Variants in ENOX1 observed in about 807,000 individuals in gnomAD.
The protein encoded by ENOX1 is ecto-NOX disulfide-thiol exchanger 1.
Under a neutral mutation model 82.5 loss-of-function variants are expected in ENOX1, and 42 were observed. The ratio of observed to expected loss-of-function variants is 0.51; its 90% CI spans 0.40 to 0.66. ENOX1 has a LOEUF of 0.66. Among genes scored for constraint, ENOX1 ranks in the 30% least tolerant of loss-of-function variants. The pLI, the probability that ENOX1 is intolerant of heterozygous loss-of-function variation, is 0.00. For missense variants in ENOX1, 608 were observed against 811.6 expected (o/e 0.75, Z 3.05); for synonymous variants, 271 against 282.2 (o/e 0.96, Z 0.40).
intron 5 of ENOX1, among the ~76,000 whole-genome samples, chr13:43,375,624 G>GA (rs376829713): frequency 6.6e-6 from 1 of 152,240 alleles, no homozygotes; most frequent in Non-Finnish European, 1.5e-5. Context: ...TCATCATCCT[G>GA]AAAAAAGCCT....
At chr13:43,708,261 G>T (rs440119) in intron 1 of ENOX1, among the ~76,000 whole-genome samples, 117,259 of 152,072 alleles carry the variant, frequency 0.77, 48,192 homozygotes, top group South Asian at 0.92. Context: ...TGGGCATGCA[G>T]CCCCTCCCAA....
At chr13:43,377,504 T>C (rs1182318775) in intron 5 of ENOX1, among the ~76,000 whole-genome samples, 1 of 152,220 alleles carries the variant, frequency 6.6e-6, no homozygotes, top group Non-Finnish European at 1.5e-5. Context: ...TGGATCGTTT[T>C]CCCACGAACA....
chr13:43,480,103 A>AT (rs968759711), intron 3 of ENOX1, among the ~76,000 whole-genome samples: 4 of 151,556 alleles, frequency 2.6e-5, no homozygotes, highest in Non-Finnish European at 4.4e-5. Flanking sequence ...TGCCCAGCTA[A>AT]TTTTTTTGTA....
chr13:43,267,853 C>T (rs1297149603), intron 13 of ENOX1, among the ~76,000 whole-genome samples: 1 of 152,184 alleles, frequency 6.6e-6, no homozygotes, highest in African/African-American at 2.4e-5. Flanking sequence ...AGAGCTATCC[C>T]ATTGAAATTA....
intron 2 of ENOX1, among the ~76,000 whole-genome samples, chr13:43,592,195 G>A (rs1203167677): frequency 6.6e-6 from 1 of 152,186 alleles, no homozygotes; most frequent in South Asian, 2.1e-4. Flanking sequence ...GTCCAACAAT[G>A]CATACAAGTC....
chr13:43,259,827 A>G (rs1039340519), intron 14 of ENOX1, among the ~76,000 whole-genome samples: 4 of 152,080 alleles, frequency 2.6e-5, no homozygotes, highest in Non-Finnish European at 5.9e-5. Context: ...GTGAAACCTT[A>G]TATTTGTCCC....
At chr13:43,661,065 G>C (rs1228246676) in intron 2 of ENOX1, among the ~76,000 whole-genome samples, 1 of 152,024 alleles carries the variant, frequency 6.6e-6, no homozygotes, top group Non-Finnish European at 1.5e-5. Context: ...GTGATGTTCA[G>C]GTTTTAAAGT....
intron 2 of ENOX1, among the ~76,000 whole-genome samples, chr13:43,661,437 A>G (rs1362594924): frequency 6.6e-6 from 1 of 152,190 alleles, no homozygotes; most frequent in Non-Finnish European, 1.5e-5. Context: ...GATGCTTTCA[A>G]ACCCAAGTAG....
At chr13:43,318,831 C>T (rs1200260224) in intron 11 of ENOX1, among the ~76,000 whole-genome samples, 1 of 152,214 alleles carries the variant, frequency 6.6e-6, no homozygotes, top group East Asian at 1.9e-4. Flanking sequence ...GCCTTGCATG[C>T]ATTGACTTAT....
At chr13:43,346,809 AT>A (rs2049410835) in intron 8 of ENOX1, among the ~76,000 whole-genome samples, 2 of 152,146 alleles carry the variant, frequency 1.3e-5, no homozygotes, top group Non-Finnish European at 2.9e-5. Flanking sequence ...TCCCACCAAT[AT>A]ATGTTAGGAG....
chr13:43,314,882 C>A (rs180911294), intron 11 of ENOX1, among the ~76,000 whole-genome samples: 1 of 152,212 alleles, frequency 6.6e-6, no homozygotes, highest in African/African-American at 2.4e-5. Context: ...CTCTGACCAC[C>A]TCAAAGATTT....
At chr13:43,290,899 C>T (rs2045963348) in intron 12 of ENOX1, among the ~76,000 whole-genome samples, 1 of 152,072 alleles carries the variant, frequency 6.6e-6, no homozygotes, top group Admixed American at 6.5e-5. Context: ...CAGTGACACA[C>T]GCCTGTAGTC....
At position 43,696,795 on chromosome 13, in the gene ENOX1, CT is replaced by C. The variant is rs5803203; in HGVS notation, c.-284-29252del. ...AGGACACATTTTTGAGATTCCTTTG[CT>C]TTTTTTTTTTTTTTAAGAATATATA... On this transcript the variant is annotated intron_variant, in intron 1 of 16. Coordinates refer to ENST00000690772, the MANE Select transcript of ENOX1 (RefSeq NM_001347969.2). Among the ~76,000 whole-genome samples the C allele has an allele frequency of 4.6e-3, 641 of 140,722 alleles. 7 individuals carry two copies. The highest frequency in any genetic ancestry group is 0.015 in the African/African-American group (556 of 37,944). 92.3% of individuals were successfully genotyped at this position (140,722 alleles called of 152,430 possible).
chr13:43,411,769 G>T, intron 5 of ENOX1, 147 bp downstream of exon 5: 1 of 981,304 alleles, frequency 1.0e-6, no homozygotes, highest in Non-Finnish European at 1.5e-6. Context: ...ATGAGGAAAA[G>T]AATCTCAAGT....
intron 15 of ENOX1, among the ~76,000 whole-genome samples, chr13:43,236,323 T>C (rs2153458991): frequency 6.6e-6 from 1 of 152,320 alleles, no homozygotes; most frequent in East Asian, 1.9e-4. Context: ...AGATGCAACC[T>C]GGCCTCCAGT....
chr13:43,584,049 C>T (rs1233289149), intron 2 of ENOX1, among the ~76,000 whole-genome samples: 1 of 152,200 alleles, frequency 6.6e-6, no homozygotes, highest in Non-Finnish European at 1.5e-5. Context: ...ACTAGCCATG[C>T]CTGCCCTGCT....
intron 2 of ENOX1, among the ~76,000 whole-genome samples, chr13:43,588,854 C>A (rs1329299): frequency 0.94 from 142,901 of 152,250 alleles, 67,655 homozygotes; most frequent in South Asian, 1. Context: ...CCAATGGAAG[C>A]GATTTAGATA....
At chr13:43,253,306 C>T (rs1449879709) in intron 14 of ENOX1, among the ~76,000 whole-genome samples, 1 of 152,198 alleles carries the variant, frequency 6.6e-6, no homozygotes, top group Non-Finnish European at 1.5e-5. Context: ...TTCATTCTAT[C>T]TTTGTACCTA....
chr13:43,280,268 A>T (rs952664764), intron 12 of ENOX1, among the ~76,000 whole-genome samples: 1 of 152,214 alleles, frequency 6.6e-6, no homozygotes, highest in African/African-American at 2.4e-5. Context: ...CCTAGTCATG[A>T]TCAGAGATTA....
Sources: allele counts gnomAD v4.1 joint callset (sites outside exome capture counted in the v4.1 genomes callset), GRCh38; gene constraint gnomAD v4.1.1; transcripts MANE v1.5; gene names NCBI Gene and HGNC (gene_info 2026-07-23, HGNC 2026-07-21).